Variants in EYA4 observed in about 807,000 individuals in gnomAD.
EYA4 encodes the protein EYA transcriptional coactivator and phosphatase 4.
A neutral mutation model predicts 87.9 loss-of-function variants in EYA4; 31 were observed. The observed-to-expected ratio is 0.35, with a 90% CI of 0.27 to 0.48. The LOEUF is 0.48. EYA4 is among the 20% of genes least tolerant of loss of function. The pLI, the probability that EYA4 is intolerant of heterozygous loss-of-function variation, is 0.99. For missense variants in EYA4, 678 were observed against 761.4 expected (o/e 0.89, Z 1.29); for synonymous variants, 263 against 270.6 (o/e 0.97, Z 0.28).
chr6:133,497,050 T>C (rs533574835), intron 13 of EYA4, among the ~76,000 whole-genome samples: 1 of 152,204 alleles, frequency 6.6e-6, no homozygotes, highest in Non-Finnish European at 1.5e-5. Context: ...TATCATTTTT[T>C]TACTGGTTAC....
intron 11 of EYA4, among the ~76,000 whole-genome samples, chr6:133,480,872 A>G (rs1796150438): frequency 6.6e-6 from 1 of 152,184 alleles, no homozygotes; most frequent in Admixed American, 6.6e-5. Flanking sequence ...AGCAAATAGT[A>G]TCTAGATGGA....
rs971176955 is a variant in EYA4 at position 133,394,299 on chromosome 6, T to A, written c.83+11858T>A. Reference sequence around the variant, plus strand: ...ATAAGCTTGTGTTTTTTTTTTTTTTTTTTTTTTTTTTTTTTTTTTGGTCAT... The same window carrying A: ...ATAAGCTTGTGTTTTTTTTTTTTTTATTTTTTTTTTTTTTTTTTTGGTCAT... On this transcript the variant is annotated intron_variant, in intron 3 of 19. Transcript: ENST00000355286. 6.2e-3 allele frequency among the ~76,000 whole-genome samples: 858 copies of A among 138,446 alleles called. 37 individuals are homozygous for A. Among genetic ancestry groups the A allele is most frequent in the East Asian group, 0.02 (97 of 4,840 alleles). 90.8% of individuals were successfully genotyped at this position (138,446 alleles called of 152,430 possible). A position where few individuals can be genotyped will look rare whatever the true frequency, so the allele number is the denominator to read the frequency against.
In EYA4 at chr6:133,531,553, A is replaced by T. The variant is rs1801010592; in HGVS notation, c.*2748A>T. ...AGCTTGGTATATTACTACGAAAGAT[A>T]ACCACCTTGTGTTGCACCTTAAAAA... On this transcript the variant is annotated 3_prime_UTR_variant, in exon 20 of 20. Coordinates refer to ENST00000355286, the MANE Select transcript of EYA4 (RefSeq NM_004100.5). 1 of 280,616 alleles carries T rather than the reference A, an allele frequency of 3.6e-6. No homozygotes were observed. The highest frequency in any genetic ancestry group is 9.9e-5 in the South Asian group (1 of 10,062). 17.4% of individuals were successfully genotyped at this position (280,616 alleles called of 1,614,324 possible). A position where few individuals can be genotyped will look rare whatever the true frequency, so the allele number is the denominator to read the frequency against.
chr6:133,404,744 C>T (rs972045997), intron 3 of EYA4, among the ~76,000 whole-genome samples: 10 of 152,298 alleles, frequency 6.6e-5, no homozygotes, highest in African/African-American at 1.9e-4. Context: ...GTAATAAATA[C>T]GACTTTCATT....
intron 3 of EYA4, among the ~76,000 whole-genome samples, chr6:133,431,683 GTTA>G (rs1791195553): frequency 6.6e-6 from 1 of 152,128 alleles, no homozygotes; most frequent in South Asian, 2.1e-4. Context: ...TAAAATTAAT[GTTA>G]TTATAACATT....
intron 2 of EYA4, among the ~76,000 whole-genome samples, chr6:133,357,270 CAAAAAAAAAAAAAA>C (rs754202361): frequency 6.4e-4 from 42 of 65,310 alleles, no homozygotes; most frequent in African/African-American, 2.8e-3. Flanking sequence ...GACTCCGTCT[CAAAAAAAAAAAAAA>C]AAAAAAAAAA....
At chr6:133,306,665 C>T (rs1269447478) in intron 2 of EYA4, among the ~76,000 whole-genome samples, 1 of 152,042 alleles carries the variant, frequency 6.6e-6, no homozygotes, top group African/African-American at 2.4e-5. Context: ...AATTTAGATT[C>T]TCTCATTTGT....
chr6:133,277,608 G>A (rs563920685), intron 2 of EYA4, among the ~76,000 whole-genome samples: 4 of 152,292 alleles, frequency 2.6e-5, no homozygotes, highest in East Asian at 1.9e-4. Flanking sequence ...TCTTTAATGA[G>A]TATTCATTCA....
At chr6:133,441,041 A>T (rs1792226819) in intron 3 of EYA4, among the ~76,000 whole-genome samples, 1 of 152,004 alleles carries the variant, frequency 6.6e-6, no homozygotes, top group Admixed American at 6.6e-5. Flanking sequence ...TCTGGGGTTG[A>T]TGTTTTTCAT....
At position 133,447,843 on chromosome 6, in the gene EYA4, A is replaced by C. The variant is rs56232779; in HGVS notation, c.209-268A>C. ...TAGAATATTTAGTGATGAAAACTAGAGTAAGGTACATTTAAACCTTAAATT... is the reference window on the plus strand; with the variant it reads ...TAGAATATTTAGTGATGAAAACTAGCGTAAGGTACATTTAAACCTTAAATT... On this transcript the variant is annotated intron_variant, in intron 4 of 19. Coordinates refer to ENST00000355286, the MANE Select transcript of EYA4 (RefSeq NM_004100.5). Among the ~76,000 whole-genome samples, 1,118 of 152,360 alleles carry C rather than the reference A, an allele frequency of 7.3e-3. 7 individuals are homozygous for C. Among genetic ancestry groups the C allele is most frequent in the Admixed American group, 0.018 (268 of 15,306 alleles).
intron 2 of EYA4, among the ~76,000 whole-genome samples, chr6:133,282,415 T>C (rs1240056899): frequency 6.6e-6 from 1 of 152,186 alleles, no homozygotes; most frequent in Non-Finnish European, 1.5e-5. Context: ...TTCATATCCT[T>C]TTCCTACTTC....
rs113648199 is a variant in EYA4 at position 133,381,020 on chromosome 6, T to C, written c.34-1372T>C. Among the ~76,000 whole-genome samples the C allele has an allele frequency of 1.2e-3, 177 of 148,978 alleles. 2 individuals carry two copies. Among genetic ancestry groups the C allele is most frequent in the African/African-American group, 4.0e-3 (161 of 40,576 alleles). On this transcript the variant is annotated intron_variant, in intron 2 of 19. Coordinates refer to ENST00000355286, the MANE Select transcript of EYA4 (RefSeq NM_004100.5). ...CTTCTTTTCCTCATCCCCTCCTCCTTCTCTACCTCCTCCTCCTTTTTCTTC... is the reference window on the plus strand; with the variant it reads ...CTTCTTTTCCTCATCCCCTCCTCCTCCTCTACCTCCTCCTCCTTTTTCTTC...
intron 13 of EYA4, among the ~76,000 whole-genome samples, chr6:133,500,210 C>A (rs527931294): frequency 8.3e-4 from 126 of 151,870 alleles, no homozygotes; most frequent in Non-Finnish European, 1.6e-3. Flanking sequence ...ATGCGTGGAC[C>A]CACCTCAGAT....
chr6:133,523,500 G>A (rs1800365078), intron 18 of EYA4, among the ~76,000 whole-genome samples: 1 of 152,126 alleles, frequency 6.6e-6, no homozygotes, highest in African/African-American at 2.4e-5. Flanking sequence ...TTGCATCCTT[G>A]CATATGCAGT....
chr6:133,369,366 C>G (rs531284923), intron 2 of EYA4, among the ~76,000 whole-genome samples: 18 of 152,168 alleles, frequency 1.2e-4, no homozygotes, highest in African/African-American at 4.3e-4. Flanking sequence ...ATATCCCTCT[C>G]TTTCGTAAAC....
chr6:133,273,409 A>G (rs189377397), intron 1 of EYA4, among the ~76,000 whole-genome samples: 2 of 152,204 alleles, frequency 1.3e-5, no homozygotes, highest in East Asian at 3.9e-4. Flanking sequence ...CAAAATGTTA[A>G]TCTCCTTTGG....
At chr6:133,316,622 C>A (rs891772597) in intron 2 of EYA4, among the ~76,000 whole-genome samples, 11 of 152,172 alleles carry the variant, frequency 7.2e-5, no homozygotes, top group African/African-American at 2.7e-4. Context: ...CTACGCTACC[C>A]CTCTTTGGCC....
At chr6:133,382,676 C>T (rs1786326075) in intron 3 of EYA4, among the ~76,000 whole-genome samples, 2 of 151,156 alleles carry the variant, frequency 1.3e-5, no homozygotes, top group Non-Finnish European at 2.9e-5. Flanking sequence ...TCTAGAAATA[C>T]GTGAAAAAAA....
intron 2 of EYA4, among the ~76,000 whole-genome samples, chr6:133,349,491 TGAAAGA>T (rs1783469690): frequency 6.6e-6 from 1 of 152,206 alleles, no homozygotes; most frequent in Non-Finnish European, 1.5e-5. Flanking sequence ...AATAAATGAA[TGAAAGA>T]ATGGCATTTG....
Sources: allele counts gnomAD v4.1 joint callset (sites outside exome capture counted in the v4.1 genomes callset), GRCh38; gene constraint gnomAD v4.1.1; transcripts MANE v1.5; gene names NCBI Gene and HGNC (gene_info 2026-07-23, HGNC 2026-07-21).